The following HMCN1 variants were observed in gnomAD, a reference collection of about 807,000 sequenced individuals.
The protein encoded by HMCN1 is hemicentin-1.
Under a neutral mutation model 625.9 loss-of-function variants are expected in HMCN1, and 321 were observed. The observed-to-expected ratio is 0.51, with a 90% CI of 0.47 to 0.56. The LOEUF (loss-of-function observed/expected upper bound fraction) is 0.56. HMCN1 is among the 20% of genes least tolerant of loss of function. The pLI is 0.00. For synonymous variants in HMCN1, 2,425 were observed against 2,417.6 expected, an observed-to-expected ratio of 1.00 and a Z score of -0.09; for missense variants, 6,588 against 6,887.3, an observed-to-expected ratio of 0.96 and a Z score of 1.54.
chr1:186,112,703 A>G, intron 71 of HMCN1, 109 bp from the exon 72 acceptor site: 1 of 1,319,682 alleles, frequency 7.6e-7, no homozygotes. Flanking sequence ...AAGCATGCTG[A>G]CAGACAGCAG....
chr1:185,849,225 A>G (rs140735717), intron 2 of HMCN1, among the ~76,000 whole-genome samples: 245 of 152,088 alleles, frequency 1.6e-3, no homozygotes, highest in African/African-American at 5.7e-3. Flanking sequence ...TCCTCAGGGC[A>G]TTTTTGCACA....
At chr1:186,068,479 T>A (rs1658267993) in intron 50 of HMCN1, among the ~76,000 whole-genome samples, 1 of 152,150 alleles carries the variant, frequency 6.6e-6, no homozygotes, top group African/African-American at 2.4e-5. Flanking sequence ...AGAGGTAATA[T>A]GTGCAAAGAG....
chr1:185,973,805 G>T (rs1019716809), intron 15 of HMCN1, among the ~76,000 whole-genome samples: 1 of 152,090 alleles, frequency 6.6e-6, no homozygotes, highest in Admixed American at 6.6e-5. Flanking sequence ...CAAACAAAAA[G>T]TTGGCTTGGC....
intron 4 of HMCN1, among the ~76,000 whole-genome samples, chr1:185,898,132 G>T (rs1665588548): frequency 6.6e-6 from 1 of 152,150 alleles, no homozygotes; most frequent in African/African-American, 2.4e-5. Context: ...ACCTCCCCCT[G>T]TAGAGGGAGC....
chr1:185,915,914 T>A (rs1666675380), intron 6 of HMCN1, among the ~76,000 whole-genome samples: 2 of 152,046 alleles, frequency 1.3e-5, no homozygotes. Context: ...GCATGTTTGA[T>A]AATAGATTTT....
At position 186,174,657 on chromosome 1, in the gene HMCN1, A is replaced by G. The variant is rs773530633; in HGVS notation, c.15943+15A>G. The G allele has an allele frequency of 6.2e-6, 10 of 1,613,528 alleles. No homozygotes were observed. In the African/African-American group the frequency reaches 1.1e-4, roughly 17 times the overall value. On this transcript the variant is annotated intron_variant, in intron 103 of 106. Transcript: ENST00000271588. ...ACCCTGCATGGGTAAGTTAATAGGA[A>G]CTTGTTGAGCAATAAAGCTACTGAT...
intron 40 of HMCN1, among the ~76,000 whole-genome samples, chr1:186,044,912 C>T (rs913717868): frequency 6.6e-6 from 1 of 152,158 alleles, no homozygotes; most frequent in Non-Finnish European, 1.5e-5. Context: ...TTCTTTAATA[C>T]ACCCAAGGGA....
At chr1:185,796,556 G>A (rs545772802) in intron 1 of HMCN1, among the ~76,000 whole-genome samples, 53 of 152,286 alleles carry the variant, frequency 3.5e-4, no homozygotes, top group African/African-American at 1.2e-3. Context: ...CTTATGATAA[G>A]GGCCTACAGT....
intron 51 of HMCN1, among the ~76,000 whole-genome samples, chr1:186,070,333 A>C (rs763284049): frequency 6.6e-6 from 1 of 152,236 alleles, no homozygotes; most frequent in Admixed American, 6.5e-5. Context: ...TGTTCAGACT[A>C]TGTCTGTGGA....
In HMCN1 at chr1:186,036,025, A is replaced by G. The variant is rs114451793; in HGVS notation, c.5750-1909A>G. ...TTTAACAATTTTTGCTTTGTTATTC[A>G]ATGCATAAGGTATTGTCATTATAAA... On this transcript the variant is annotated intron_variant, in intron 36 of 106. Coordinates refer to ENST00000271588, the MANE Select transcript of HMCN1 (RefSeq NM_031935.3). Among the ~76,000 whole-genome samples, 353 of 152,272 alleles carry G rather than the reference A, an allele frequency of 2.3e-3. 3 individuals carry two copies. Among genetic ancestry groups the G allele is most frequent in the African/African-American group, 8.3e-3 (345 of 41,558 alleles).
chr1:185,751,393 C>T (rs1654806656), intron 1 of HMCN1, among the ~76,000 whole-genome samples: 1 of 151,280 alleles, frequency 6.6e-6, no homozygotes, highest in African/African-American at 2.4e-5. Flanking sequence ...ATTTTTGTCC[C>T]TATTTAGGTA....
At chr1:185,812,895 A>G (rs1383384451) in intron 1 of HMCN1, among the ~76,000 whole-genome samples, 2 of 152,154 alleles carry the variant, frequency 1.3e-5, no homozygotes, top group Non-Finnish European at 2.9e-5. Context: ...TATATATAGC[A>G]TAAAGTTTCC....
chr1:186,178,600 C>A lies in HMCN1; in HGVS notation c.16128C>A (p.Ser5376=), dbSNP rs1558285155. The part of the protein sequence containing the change: ...QYSSYNLARF[S]PVRNNYQPQQ... ...GTAGCTATAACCTTGCACGGTTCTC[C>A]CCTGTGAGAAACAACTATCAACCTC... The change falls in exon 104 of 107, where the codon TCC becomes TCA. Residue 5376 remains serine (S), a synonymous_variant. Coordinates refer to ENST00000271588, the MANE Select transcript of HMCN1 (RefSeq NM_031935.3). 3 of 1,614,050 alleles carry A rather than the reference C, an allele frequency of 1.9e-6. No homozygotes were observed. The highest frequency in any genetic ancestry group is 2.5e-6 in the Non-Finnish European group (3 of 1,179,976).
At chr1:185,859,854 A>G (rs961233874) in intron 2 of HMCN1, among the ~76,000 whole-genome samples, 4 of 151,664 alleles carry the variant, frequency 2.6e-5, no homozygotes, top group African/African-American at 9.7e-5. Flanking sequence ...TTTTTATTTT[A>G]GTAGAGACAG....
chr1:185,887,434 T>A lies in HMCN1; in HGVS notation c.621+21571T>A, dbSNP rs1308839558. Among the ~76,000 whole-genome samples, 9 of 151,032 alleles carry A rather than the reference T, an allele frequency of 6.0e-5. No individual in the cohort carries two copies. The East Asian group carries it at 1.8e-3, about 30-fold the overall frequency. Reference sequence around the variant, plus strand: ...AACTCGTCATCTAGCATTAGGTATATCTCCCAATGCTATCCCTCCCCCCTC... The same window carrying A: ...AACTCGTCATCTAGCATTAGGTATAACTCCCAATGCTATCCCTCCCCCCTC... On this transcript the variant is annotated intron_variant, in intron 4 of 106. Transcript: ENST00000271588.
chr1:185,812,227 T>C (rs1659566905), intron 1 of HMCN1, among the ~76,000 whole-genome samples: 1 of 152,166 alleles, frequency 6.6e-6, no homozygotes, highest in Admixed American at 6.5e-5. Context: ...ATTTGACTGA[T>C]TTCCTATTGA....
rs186865291 is a variant in HMCN1, at chr1:185,960,181, C to T, written c.1829-2337C>T. On this transcript the variant is annotated intron_variant, in intron 11 of 106. Transcript: ENST00000271588. ...TTTGCTCTTGTTCTCCAGGCTGGAG[C>T]TCAGTGGTGTGATCTTGGCTCACTG... Among the ~76,000 whole-genome samples the T allele has an allele frequency of 6.0e-4, 83 of 139,028 alleles. 2 individuals carry two copies. The East Asian group carries it at 0.016, about 27-fold the overall frequency. 91.2% of individuals were successfully genotyped at this position (139,028 alleles called of 152,430 possible). A position where few individuals can be genotyped will look rare whatever the true frequency, so the allele number is the denominator to read the frequency against.
intron 45 of HMCN1, among the ~76,000 whole-genome samples, chr1:186,056,179 A>C (rs1343194109): frequency 6.6e-6 from 1 of 152,008 alleles, no homozygotes; most frequent in Non-Finnish European, 1.5e-5. Context: ...TTTGAACTAT[A>C]ATTTTTATAG....
Position 186,015,349 on chromosome 1 carries a change from A to C in HMCN1, c.4821A>C (p.Arg1607=). 6.2e-7 allele frequency: 1 copy of C among 1,613,762 alleles called. No homozygotes were observed. Among genetic ancestry groups the C allele is most frequent in the African/African-American group, 1.3e-5 (1 of 75,034 alleles). Residue 1607 remains arginine (R), a synonymous_variant, in exon 31 of 107, where the codon CGA becomes CGC. Coordinates refer to ENST00000271588, the MANE Select transcript of HMCN1 (RefSeq NM_031935.3). ...IDKGQYLHIP[R]AQVSDSATYT... is the part of the protein sequence containing the mutation. ...AAGGACAATATCTTCATATTCCTCG[A>C]GCACAGGTCTCTGATTCAGCAACAT...
Sources: allele counts gnomAD v4.1 joint callset (sites outside exome capture counted in the v4.1 genomes callset), GRCh38; gene constraint gnomAD v4.1.1; transcripts MANE v1.5; gene names NCBI Gene and HGNC (gene_info 2026-07-23, HGNC 2026-07-21).